Variants in PIK3C2B observed in about 807,000 individuals in gnomAD.
The protein encoded by PIK3C2B is phosphatidylinositol-4-phosphate 3-kinase catalytic subunit type 2 beta, also known as phosphatidylinositol 4-phosphate 3-kinase C2 domain-containing subunit beta.
In PIK3C2B, 83 loss-of-function variants were observed where a neutral mutation model predicts 184.3. That is an observed-to-expected ratio of 0.45 (90% CI 0.38 to 0.54). The LOEUF is 0.54. Among genes scored for constraint, PIK3C2B ranks in the 20% least tolerant of loss-of-function variants. The pLI, the probability that PIK3C2B is intolerant of heterozygous loss-of-function variation, is 0.00. For synonymous variants in PIK3C2B, 779 were observed against 837.6 expected, an observed-to-expected ratio of 0.93 and a Z score of 1.21; for missense variants, 1,736 against 2,113.5, an observed-to-expected ratio of 0.82 and a Z score of 3.50.
At chr1:204,470,969 G>A (rs72752071) in intron 1 of PIK3C2B, among the ~76,000 whole-genome samples, 1,606 of 135,114 alleles carry the variant, frequency 0.012, 461 homozygotes, top group Non-Finnish European at 0.019. Context: ...AGCGGTATCT[G>A]GGGGACAGAG....
chr1:204,424,449 T>C lies in PIK3C2B; in HGVS notation c.*403A>G. On this transcript the variant is annotated 3_prime_UTR_variant, in exon 33 of 33. Coordinates refer to ENST00000684373, the MANE Select transcript of PIK3C2B (RefSeq NM_001377334.1). ...ATAGGTACGTCCCTTCTCGCAAGGCTTCCTGTCCCAGTTAGGACAACATCA... is the reference window on the plus strand; with the variant it reads ...ATAGGTACGTCCCTTCTCGCAAGGCCTCCTGTCCCAGTTAGGACAACATCA... The C allele has an allele frequency of 2.9e-6, 1 of 347,322 alleles. No individual in the cohort carries two copies. The highest frequency in any genetic ancestry group is 2.3e-5 in the South Asian group (1 of 43,812). 21.5% of individuals were successfully genotyped at this position (347,322 alleles called of 1,614,324 possible).
chr1:204,493,238 C>A (rs1282722489), intron 1 of PIK3C2B, among the ~76,000 whole-genome samples: 1 of 152,140 alleles, frequency 6.6e-6, no homozygotes. Context: ...TGGCCATATC[C>A]CAAATAGGTA....
At chr1:204,440,396 C>T in intron 21 of PIK3C2B, 75 bp from the exon 22 acceptor site, 2 of 1,474,808 alleles carry the variant, frequency 1.4e-6, no homozygotes, top group East Asian at 5.0e-5. Flanking sequence ...AGTGCTCAAC[C>T]TTGGCCCTAA....
intron 1 of PIK3C2B, among the ~76,000 whole-genome samples, chr1:204,472,611 T>C (rs1656385962): frequency 6.6e-6 from 1 of 152,038 alleles, no homozygotes; most frequent in Non-Finnish European, 1.5e-5. Flanking sequence ...AAACCTCGTT[T>C]CTACTAAAAA....
intron 1 of PIK3C2B, among the ~76,000 whole-genome samples, chr1:204,474,575 T>G (rs1438115706): frequency 6.6e-6 from 1 of 152,182 alleles, no homozygotes; most frequent in African/African-American, 2.4e-5. Context: ...TGAAGATATT[T>G]TTTTCTTGTT....
intron 10 of PIK3C2B, 129 bp downstream of exon 10, chr1:204,456,888 ACACACACACACACACACACC>A (rs1282001667): frequency 6.0e-6 from 3 of 503,820 alleles, no homozygotes; most frequent in African/African-American, 2.7e-5. Context: ...ACACACACAC[ACACACACACACACACACACC>A]CACACACACA....
intron 12 of PIK3C2B, among the ~76,000 whole-genome samples, chr1:204,453,826 T>C (rs986557742): frequency 1.3e-5 from 2 of 151,364 alleles, no homozygotes; most frequent in Admixed American, 6.6e-5. Context: ...CAGGCTGGAG[T>C]GCAATGGCAC....
chr1:204,449,946 G>GGCAGAGCATAGAGAGTGGC lies in PIK3C2B; in HGVS notation c.2119_2137dup (p.Pro713ArgfsTer19). On this transcript the variant is annotated frameshift_variant, in exon 13 of 33. Transcript: ENST00000684373. LOFTEE classifies it high-confidence loss of function. ...TGAGGAGCTCCCCGGTGGGGGGATGGGCAGAGCATAGAGAGTGGCACACAG... is the reference window on the plus strand; with the variant it reads ...TGAGGAGCTCCCCGGTGGGGGGATGGGCAGAGCATAGAGAGTGGCGCAGAGCATAGAGAGTGGCACACAG... 1 of 1,611,466 alleles carries GGCAGAGCATAGAGAGTGGC rather than the reference G, an allele frequency of 6.2e-7. No individual in the cohort carries two copies. The highest frequency in any genetic ancestry group is 8.5e-7 in the Non-Finnish European group (1 of 1,178,922).
At chr1:204,446,871 CAG>C (rs1366276888) in intron 15 of PIK3C2B, among the ~76,000 whole-genome samples, 1 of 152,138 alleles carries the variant, frequency 6.6e-6, no homozygotes, top group African/African-American at 2.4e-5. Flanking sequence ...GAGAGGTAAA[CAG>C]AGAGCAGACA....
rs747940789 is a variant in PIK3C2B, at chr1:204,449,955, T to C, written c.2129A>G (p.Tyr710Cys). Reference sequence around the variant, plus strand: ...CCCCGGTGGGGGGATGGGCAGAGCATAGAGAGTGGCACACAGCAGTGTCTC... The same window carrying C: ...CCCCGGTGGGGGGATGGGCAGAGCACAGAGAGTGGCACACAGCAGTGTCTC... ...PRETLLCATL[Y>C]ALPIPPPGSS... The change falls in exon 13 of 33, where the codon TAT (tyrosine) becomes TGT (cysteine). Residue 710 changes from tyrosine to cysteine, a missense_variant. Coordinates refer to ENST00000684373, the MANE Select transcript of PIK3C2B (RefSeq NM_001377334.1). The C allele has an allele frequency of 5.6e-6, 9 of 1,609,418 alleles. No homozygotes were observed. In the African/African-American group the frequency reaches 8.0e-5, roughly 14 times the overall value.
chr1:204,465,446 G>T, intron 2 of PIK3C2B, 127 bp from the exon 3 acceptor site: 2 of 656,346 alleles, frequency 3.0e-6, no homozygotes, highest in East Asian at 2.7e-5. Context: ...CCAATGAAAG[G>T]GGCACAAGAA....
intron 2 of PIK3C2B, among the ~76,000 whole-genome samples, chr1:204,468,262 A>G (rs1171739609): frequency 6.6e-6 from 1 of 152,076 alleles, no homozygotes; most frequent in Non-Finnish European, 1.5e-5. Flanking sequence ...GCAGGGAGAG[A>G]GAGAGAGAGA....
intron 1 of PIK3C2B, among the ~76,000 whole-genome samples, chr1:204,488,679 T>A (rs933583918): frequency 6.6e-6 from 1 of 152,176 alleles, no homozygotes; most frequent in Non-Finnish European, 1.5e-5. Context: ...TGCTTTCAGT[T>A]CACCTCATTC....
chr1:204,452,141 C>G (rs1229702233), intron 12 of PIK3C2B, among the ~76,000 whole-genome samples: 1 of 152,114 alleles, frequency 6.6e-6, no homozygotes, highest in Non-Finnish European at 1.5e-5. Context: ...GGGACTGCCC[C>G]TTTAAAATTC....
At chr1:204,461,975 C>G (rs1278873856) in intron 5 of PIK3C2B, among the ~76,000 whole-genome samples, 3 of 152,158 alleles carry the variant, frequency 2.0e-5, no homozygotes, top group African/African-American at 7.2e-5. Context: ...CTTTCCACCC[C>G]CATCCCAGGC....
chr1:204,442,748 A>T, intron 19 of PIK3C2B, 115 bp from the exon 20 acceptor site: 1 of 664,392 alleles, frequency 1.5e-6, no homozygotes, highest in Middle Eastern at 3.4e-4. Flanking sequence ...ACCCCCTGAG[A>T]AGTGTGGACA....
In PIK3C2B at chr1:204,468,854, AC is replaced by A; in HGVS notation, c.933+15del. The A allele has an allele frequency of 6.4e-7, 1 of 1,554,298 alleles. No homozygotes were observed. The highest frequency in any genetic ancestry group is 8.7e-7 in the Non-Finnish European group (1 of 1,150,360). On this transcript the variant is annotated intron_variant, in intron 2 of 32. Coordinates refer to ENST00000684373, the MANE Select transcript of PIK3C2B (RefSeq NM_001377334.1). ...ATGGAGAAAGGAAGGCAGAAGAAAC[AC>A]AAGAAGGTCCTCACCGGGGCTGCAG...
intron 1 of PIK3C2B, among the ~76,000 whole-genome samples, chr1:204,482,662 T>A (rs1657261872): frequency 6.6e-6 from 1 of 151,678 alleles, no homozygotes; most frequent in Admixed American, 6.6e-5. Context: ...TGGGTGCCTG[T>A]AACACCAGCT....
chr1:204,476,343 G>A (rs1025172871), intron 1 of PIK3C2B, among the ~76,000 whole-genome samples: 7 of 150,794 alleles, frequency 4.6e-5, no homozygotes, highest in East Asian at 3.9e-4. Flanking sequence ...AAGCCGAGGC[G>A]GGGGGATTGC....
Sources: gnomAD v4.1 joint callset for allele counts (sites outside exome capture counted in the v4.1 genomes callset) on GRCh38, gnomAD v4.1.1 for gene constraint, MANE v1.5 for transcripts, NCBI Gene and HGNC (gene_info 2026-07-23, HGNC 2026-07-21) for gene names.